GNAO1: variants seen among roughly 807,000 people sequenced by gnomAD.
The protein encoded by GNAO1 is guanine nucleotide-binding protein G(o) subunit alpha.
For missense variants in GNAO1, 166 were observed against 478.7 expected (o/e 0.35, Z 6.10); for synonymous variants, 164 against 180.7 (o/e 0.91, Z 0.74).
At chr16:56,314,809 A>G (rs1236840407) in intron 3 of GNAO1, among the ~76,000 whole-genome samples, 2 of 152,116 alleles carry the variant, frequency 1.3e-5, no homozygotes, top group African/African-American at 4.8e-5. Context: ...CCTTGAAAGG[A>G]TCTCAGAGAC....
At chr16:56,266,117 A>G (rs2587884) in intron 2 of GNAO1, among the ~76,000 whole-genome samples, 12,383 of 152,206 alleles carry the variant, frequency 0.081, 548 homozygotes, top group African/African-American at 0.1. Flanking sequence ...ATTACTCTGT[A>G]ATATTTGTTT....
chr16:56,230,648 G>A (rs913034654), intron 2 of GNAO1, among the ~76,000 whole-genome samples: 2 of 151,908 alleles, frequency 1.3e-5, no homozygotes, highest in Non-Finnish European at 2.9e-5. Flanking sequence ...CATAGCTAAG[G>A]GCCCCTTTTC....
chr16:56,227,714 A>C (rs1212495345), intron 2 of GNAO1, among the ~76,000 whole-genome samples: 1 of 147,996 alleles, frequency 6.8e-6, no homozygotes, highest in African/African-American at 2.5e-5. Flanking sequence ...AAAAAAAAAG[A>C]ATTATGGTCT....
chr16:56,297,015 A>G (rs1411167791), intron 3 of GNAO1, among the ~76,000 whole-genome samples: 1 of 152,184 alleles, frequency 6.6e-6, no homozygotes, highest in Non-Finnish European at 1.5e-5. Context: ...AAAGGTTTTT[A>G]GGTCTCTAAG....
At chr16:56,254,817 C>T (rs111496821) in intron 2 of GNAO1, among the ~76,000 whole-genome samples, 1 of 152,106 alleles carries the variant, frequency 6.6e-6, no homozygotes, top group Non-Finnish European at 1.5e-5. Flanking sequence ...CCATAGAGAA[C>T]ACAGGGAAAG....
At chr16:56,329,618 G>A (rs1490638684) in intron 4 of GNAO1, among the ~76,000 whole-genome samples, 1 of 152,210 alleles carries the variant, frequency 6.6e-6, no homozygotes, top group Non-Finnish European at 1.5e-5. Context: ...TGGAGATACT[G>A]GGATTGCCCC....
At chr16:56,263,603 C>CT (rs1478930557) in intron 2 of GNAO1, among the ~76,000 whole-genome samples, 5 of 152,230 alleles carry the variant, frequency 3.3e-5, no homozygotes, top group African/African-American at 1.2e-4. Context: ...ATGCAGGTCT[C>CT]TATTTCAGAG....
At chr16:56,254,040 C>T (rs1211220627) in intron 2 of GNAO1, among the ~76,000 whole-genome samples, 1 of 151,694 alleles carries the variant, frequency 6.6e-6, no homozygotes, top group Non-Finnish European at 1.5e-5. Flanking sequence ...TTTTATTAAA[C>T]ATACATTGTT....
rs538423698 is a variant in GNAO1, at chr16:56,245,326, G to T, written c.162-30605G>T. On this transcript the variant is annotated intron_variant, in intron 2 of 8. Transcript: ENST00000262493. ...TGTATGGATTTGGCTTGGAATCACG[G>T]CCCTGACGTTCCATTTGATTCAGCT... is the stretch of plus-strand genomic sequence containing the variant. Among the ~76,000 whole-genome samples the T allele has an allele frequency of 3.3e-5, 5 of 152,276 alleles. No homozygotes were observed. In the East Asian group the frequency reaches 9.6e-4, roughly 29 times the overall value.
chr16:56,251,122 T>C (rs2036795420), intron 2 of GNAO1, among the ~76,000 whole-genome samples: 1 of 152,220 alleles, frequency 6.6e-6, no homozygotes, highest in African/African-American at 2.4e-5. Context: ...ATCATAGGCA[T>C]CCCACTTAAT....
chr16:56,330,733 T>A (rs1265487424), intron 4 of GNAO1, among the ~76,000 whole-genome samples: 10 of 152,252 alleles, frequency 6.6e-5, no homozygotes, highest in Non-Finnish European at 1.5e-4. Flanking sequence ...AGGATTATTT[T>A]TAGTTCTTCC....
chr16:56,292,790 G>A (rs574796057), intron 3 of GNAO1, among the ~76,000 whole-genome samples: 53 of 152,316 alleles, frequency 3.5e-4, no homozygotes, highest in Middle Eastern at 3.4e-3. Context: ...TAAAAATACT[G>A]GAGAAAGTAT....
Position 56,285,948 on chromosome 16 carries a change from T to C in GNAO1, c.303+9876T>C, listed in dbSNP as rs3790094. On this transcript the variant is annotated intron_variant, in intron 3 of 8. Coordinates refer to ENST00000262493, the MANE Select transcript of GNAO1 (RefSeq NM_020988.3). The stretch of plus-strand genomic sequence containing the variant: ...ATAATCCCTTTCTGGCCACCAGATA[T>C]ACCGTGGAGTAGCCTAGGAAACCAG... 3.9e-5 allele frequency among the ~76,000 whole-genome samples: 6 copies of C among 152,188 alleles called. No homozygotes were observed. In the East Asian group the frequency reaches 1.2e-3, roughly 29 times the overall value.
chr16:56,227,072 G>A (rs2036538548), intron 2 of GNAO1, among the ~76,000 whole-genome samples: 1 of 152,128 alleles, frequency 6.6e-6, no homozygotes, highest in South Asian at 2.1e-4. Context: ...GGCGGGTAGG[G>A]AAAAAGAGGA....
chr16:56,310,554 C>T (rs1200992120), intron 3 of GNAO1, among the ~76,000 whole-genome samples: 3 of 152,172 alleles, frequency 2.0e-5, no homozygotes, highest in African/African-American at 7.2e-5. Flanking sequence ...CCAGAAAACT[C>T]ACCTGTGCTC....
intron 2 of GNAO1, chr16:56,194,381 G>A (rs1222222917): frequency 3.8e-5 from 16 of 415,956 alleles, no homozygotes; most frequent in Non-Finnish European, 7.3e-5. Flanking sequence ...CCCGAGGGGG[G>A]ACGTTTTAAA....
chr16:56,214,198 G>A (rs2036418664), intron 2 of GNAO1, among the ~76,000 whole-genome samples: 1 of 152,212 alleles, frequency 6.6e-6, no homozygotes, highest in African/African-American at 2.4e-5. Context: ...TCCTAGTGGA[G>A]GAGGCTCTCA....
chr16:56,318,976 T>C (rs571283230), intron 3 of GNAO1, among the ~76,000 whole-genome samples: 2 of 152,320 alleles, frequency 1.3e-5, no homozygotes, highest in African/African-American at 4.8e-5. Context: ...GCTAAAAAGA[T>C]GCAGAAGCCA....
intron 2 of GNAO1, among the ~76,000 whole-genome samples, chr16:56,262,428 A>G (rs1389345113): frequency 6.6e-6 from 1 of 152,244 alleles, no homozygotes; most frequent in Non-Finnish European, 1.5e-5. Context: ...GCTGTCAGCC[A>G]AAGACAGCAG....
Sources: gnomAD v4.1 joint callset for allele counts (sites outside exome capture counted in the v4.1 genomes callset) on GRCh38, gnomAD v4.1.1 for gene constraint, MANE v1.5 for transcripts, NCBI Gene and HGNC (gene_info 2026-07-23, HGNC 2026-07-21) for gene names.